The following RBFOX1 variants were observed in gnomAD, a reference collection of about 807,000 sequenced individuals.
RBFOX1 encodes the protein RNA binding protein fox-1 homolog 1.
Under a neutral mutation model 57.7 loss-of-function variants are expected in RBFOX1, and 8 were observed. The observed-to-expected ratio is 0.14, with a 90% confidence interval of 0.08 to 0.25. The LOEUF (loss-of-function observed/expected upper bound fraction) is 0.25. RBFOX1 is among the 10% of genes least tolerant of loss of function. RBFOX1 has a pLI of 1.00. For missense variants in RBFOX1, 611 were observed against 548.5 expected, an observed-to-expected ratio of 1.11 and a Z score of -1.14; for synonymous variants, 326 against 222.4, an observed-to-expected ratio of 1.47 and a Z score of -4.15.
chr16:6,092,906 T>G (rs1357054862), intron 1 of RBFOX1: 1 of 152,194 alleles, frequency 6.6e-6, no homozygotes. Context: ...TTAAAAATAG[T>G]GTTTTTTAAT....
chr16:5,543,094 A>C (rs1343660176), intron 2 of RBFOX1, among the ~76,000 whole-genome samples: 3 of 152,206 alleles, frequency 2.0e-5, no homozygotes, highest in Non-Finnish European at 2.9e-5. Flanking sequence ...GACAAATCTT[A>C]AAAATAAGTC....
chr16:5,326,765 T>A (rs925587662), intron 1 of RBFOX1, among the ~76,000 whole-genome samples: 11 of 152,196 alleles, frequency 7.2e-5, no homozygotes, highest in Non-Finnish European at 1.2e-4. Context: ...TGGCAATGAA[T>A]GGAGGAGGGA....
chr16:5,644,043 A>G (rs749807486), intron 3 of RBFOX1, among the ~76,000 whole-genome samples: 1 of 152,234 alleles, frequency 6.6e-6, no homozygotes, highest in Admixed American at 6.5e-5. Context: ...TCGTACACAG[A>G]GGACTCTTCG....
intron 3 of RBFOX1, among the ~76,000 whole-genome samples, chr16:6,791,740 G>A (rs2082993597): frequency 6.6e-6 from 1 of 152,184 alleles, no homozygotes; most frequent in Non-Finnish European, 1.5e-5. Flanking sequence ...CAGCCTGGGG[G>A]AAAGAGTGAG....
At chr16:6,818,768 A>C (rs1333185624) in intron 3 of RBFOX1, among the ~76,000 whole-genome samples, 2 of 152,128 alleles carry the variant, frequency 1.3e-5, no homozygotes, top group Admixed American at 1.3e-4. Flanking sequence ...GGGGAGTGTG[A>C]TCGAGGCCTG....
At chr16:7,277,448 A>T (rs1469044392) in intron 4 of RBFOX1, among the ~76,000 whole-genome samples, 1 of 152,206 alleles carries the variant, frequency 6.6e-6, no homozygotes, top group Non-Finnish European at 1.5e-5. Flanking sequence ...GAAGAAAGCT[A>T]TTCTAATAAT....
intron 3 of RBFOX1, among the ~76,000 whole-genome samples, chr16:5,781,152 G>T (rs950657530): frequency 6.6e-6 from 1 of 152,182 alleles, no homozygotes; most frequent in Non-Finnish European, 1.5e-5. Flanking sequence ...CGAAAAGTAT[G>T]GTGAAATTAG....
intron 4 of RBFOX1, among the ~76,000 whole-genome samples, chr16:7,369,383 G>A (rs530376482): frequency 1.3e-5 from 2 of 151,960 alleles, no homozygotes; most frequent in Non-Finnish European, 2.9e-5. Context: ...ATGGTGTCCC[G>A]CAGACTCTCC....
intron 2 of RBFOX1, among the ~76,000 whole-genome samples, chr16:5,514,321 C>G (rs2043711891): frequency 6.6e-6 from 1 of 152,144 alleles, no homozygotes; most frequent in South Asian, 2.1e-4. Flanking sequence ...GACAGACAGG[C>G]TCGTCTGGGC....
intron 3 of RBFOX1, among the ~76,000 whole-genome samples, chr16:6,991,538 T>G (rs1023998595): frequency 6.6e-6 from 1 of 152,128 alleles, no homozygotes; most frequent in African/African-American, 2.4e-5. Context: ...GTTTTTTCTT[T>G]TTGTTGTTGT....
chr16:6,833,789 C>T (rs1161710747), intron 3 of RBFOX1, among the ~76,000 whole-genome samples: 1 of 152,082 alleles, frequency 6.6e-6, no homozygotes. Context: ...CTGTGAAGGA[C>T]TAGCATTGAG....
chr16:7,654,549 G>C (rs1178076714), intron 12 of RBFOX1, among the ~76,000 whole-genome samples: 1 of 152,130 alleles, frequency 6.6e-6, no homozygotes, highest in Non-Finnish European at 1.5e-5. Context: ...ATGCAGATTA[G>C]TTTGTTTCCC....
At chr16:6,174,976 T>C (rs1299775246) in intron 1 of RBFOX1, among the ~76,000 whole-genome samples, 1 of 152,328 alleles carries the variant, frequency 6.6e-6, no homozygotes, top group East Asian at 1.9e-4. Context: ...CTGTGTGACC[T>C]TGAGCAAGGT....
chr16:6,433,503 G>A (rs531911531), intron 2 of RBFOX1, among the ~76,000 whole-genome samples: 1 of 152,312 alleles, frequency 6.6e-6, no homozygotes, highest in Non-Finnish European at 1.5e-5. Context: ...GCTATTCTCA[G>A]AATTTCCCAT....
chr16:5,284,756 A>ATTTTTTTTTTTTTTTTTTTTTTTTTTTT (rs1166998032), intron 1 of RBFOX1, among the ~76,000 whole-genome samples: 1 of 61,032 alleles, frequency 1.6e-5, no homozygotes, highest in Non-Finnish European at 3.0e-5. Flanking sequence ...TTTGGCTTAG[A>ATTTTTTTTTTTTTTTTTTTTTTTTTTTT]TTTTTTTTTT....
chr16:7,019,029 G>GA (rs758978332), intron 3 of RBFOX1, among the ~76,000 whole-genome samples: 9 of 151,964 alleles, frequency 5.9e-5, no homozygotes, highest in African/African-American at 1.2e-4. Flanking sequence ...GTTCAGAACT[G>GA]AAAAAAACTG....
At chr16:7,104,483 TAA>T (rs2063229372) in intron 4 of RBFOX1, among the ~76,000 whole-genome samples, 1 of 152,088 alleles carries the variant, frequency 6.6e-6, no homozygotes, top group Admixed American at 6.6e-5. Context: ...GAGTAAAATT[TAA>T]AAACATAATC....
At chr16:5,500,308 A>G (rs7205679) in intron 2 of RBFOX1, among the ~76,000 whole-genome samples, 37,644 of 151,410 alleles carry the variant, frequency 0.25, 7,770 homozygotes, top group African/African-American at 0.57. Context: ...CTGCAGCCTC[A>G]ACCTGCTGAA....
chr16:6,998,807 A>T (rs1004171973), intron 3 of RBFOX1, among the ~76,000 whole-genome samples: 1 of 152,046 alleles, frequency 6.6e-6, no homozygotes, highest in African/African-American at 2.4e-5. Flanking sequence ...CCTTCTGAGT[A>T]CTTTAAAATA....
Sources: allele counts gnomAD v4.1 joint callset (sites outside exome capture counted in the v4.1 genomes callset), GRCh38; gene constraint gnomAD v4.1.1; transcripts MANE v1.5; gene names NCBI Gene and HGNC (gene_info 2026-07-23, HGNC 2026-07-21).